The following DCLRE1C variants were observed in gnomAD, a reference collection of about 807,000 sequenced individuals.
DCLRE1C encodes DNA cross-link repair 1C, also known as protein artemis.
DCLRE1C carries 47 observed loss-of-function variants against 61.4 expected under a neutral mutation model. The observed-to-expected ratio is 0.77, with a 90% CI of 0.61 to 0.98. The LOEUF (loss-of-function observed/expected upper bound fraction) is 0.98, where lower values mean the gene tolerates loss of function less well. Ranked by LOEUF, DCLRE1C falls within the 50% of genes least tolerant of loss-of-function variation. The pLI is 0.00. For missense variants in DCLRE1C, 858 were observed against 816.0 expected, an observed-to-expected ratio of 1.05 and a Z score of -0.63; for synonymous variants, 337 against 287.6, an observed-to-expected ratio of 1.17 and a Z score of -1.74.
At chr10:14,947,922 G>T (rs904767981) in intron 2 of DCLRE1C, among the ~76,000 whole-genome samples, 3 of 152,148 alleles carry the variant, frequency 2.0e-5, no homozygotes, top group African/African-American at 7.2e-5. Context: ...AGCTGGGCGT[G>T]GTGGTGGGTG....
At chr10:14,912,619 C>G (rs1835446375) in intron 13 of DCLRE1C, among the ~76,000 whole-genome samples, 1 of 152,136 alleles carries the variant, frequency 6.6e-6, no homozygotes, top group Non-Finnish European at 1.5e-5. Context: ...TGATATATGC[C>G]ACAGTATAGA....
Position 14,908,545 on chromosome 10 carries a change from A to T in DCLRE1C, c.1942T>A (p.Ser648Thr), listed in dbSNP as rs766847324. ...NLSTNADSQSSSDFEVPSTPE... is the reference protein window; with the variant it reads ...NLSTNADSQSTSDFEVPSTPE... ...GTTGAGGGAACTTCAAAATCAGAAG[A>T]GCTCTGGGAATCTGCATTTGTGCTA... Residue 648 changes from serine to threonine, a missense_variant, in exon 14 of 14, where the codon TCT becomes ACT. Around this residue, in one of 2 missense-constraint regions of DCLRE1C, gnomAD observed 843 missense variants for 783.5 expected, o/e 1.08. Coordinates refer to ENST00000378278, the MANE Select transcript of DCLRE1C (RefSeq NM_001033855.3). 6.2e-7 allele frequency: 1 copy of T among 1,614,146 alleles called. No individual in the cohort carries two copies. The highest frequency in any genetic ancestry group is 2.2e-5 in the East Asian group (1 of 44,872).
intron 12 of DCLRE1C, among the ~76,000 whole-genome samples, chr10:14,922,734 A>G (rs764957144): frequency 2.0e-5 from 3 of 152,172 alleles, no homozygotes; most frequent in Non-Finnish European, 4.4e-5. Flanking sequence ...CCAAGCTCAC[A>G]CTGCACTGTT....
intron 8 of DCLRE1C, among the ~76,000 whole-genome samples, chr10:14,933,640 A>G (rs1035024769): frequency 6.6e-6 from 1 of 152,128 alleles, no homozygotes; most frequent in Non-Finnish European, 1.5e-5. Flanking sequence ...GTCTCAAAAA[A>G]GAAAAAAAAA....
downstream of DCLRE1C, chr10:14,903,647 G>T (rs1834166152): frequency 6.6e-6 from 1 of 152,188 alleles, no homozygotes; most frequent in Non-Finnish European, 1.5e-5. Flanking sequence ...GACTAAAATA[G>T]AATATATTAG....
intron 12 of DCLRE1C, among the ~76,000 whole-genome samples, chr10:14,921,193 G>T (rs1205035731): frequency 6.6e-6 from 1 of 151,714 alleles, no homozygotes; most frequent in Non-Finnish European, 1.5e-5. Flanking sequence ...GGTCGCGGGC[G>T]CCTGTAGTCC....
chr10:14,899,246 G>A (rs1833822502), exon 14 of DCLRE1C: 1 of 702,010 alleles, frequency 1.4e-6, no homozygotes. Flanking sequence ...CTTGATCCCA[G>A]GAGTTAAAGG....
At chr10:14,951,960 A>G (rs1051194151) in intron 1 of DCLRE1C, among the ~76,000 whole-genome samples, 4 of 152,188 alleles carry the variant, frequency 2.6e-5, no homozygotes, top group African/African-American at 9.7e-5. Flanking sequence ...GAAACCTCCA[A>G]AAGCAGAAGT....
rs7076558 is a variant in DCLRE1C, at chr10:14,934,283, G to A, written c.678+97C>T. On this transcript the variant is annotated intron_variant, in intron 8 of 13. Transcript: ENST00000378278. ...GTGGAGGCTGCAGTGAGCCGAGGTC[G>A]CGTCACTACACTCCAGCCTGGGCAA... 5.6e-3 allele frequency: 8,537 copies of A among 1,532,432 alleles called. 252 individuals are homozygous for A. The African/African-American group carries it at 0.086, about 15-fold the overall frequency. The allele number at this position is 1,532,432 out of a possible 1,614,324, so 94.9% of individuals were successfully genotyped here. A position where few individuals can be genotyped will look rare whatever the true frequency, so the allele number is the denominator to read the frequency against.
intron 4 of DCLRE1C, among the ~76,000 whole-genome samples, chr10:14,937,761 GGCA>G (rs1308915884): frequency 6.6e-6 from 1 of 152,006 alleles, no homozygotes; most frequent in African/African-American, 2.4e-5. Flanking sequence ...CATGGTGGTG[GGCA>G]GCACCTGTAA....
In DCLRE1C at chr10:14,908,799, T is replaced by C; in HGVS notation, c.1688A>G (p.Gln563Arg). ...AGTAATATCCCCACTGTTTCTCTCT[T>C]GGGAAGATAACAAAACAGTATCAGA... ...SQSDTVLLSS[Q>R]ERNSGDITSL... The change falls in exon 14 of 14, where the codon CAA (glutamine) becomes CGA (arginine). Residue 563 changes from glutamine to arginine, a missense_variant. Physicochemically the swap from Gln to Arg is conservative, Grantham distance 43. This residue lies in a region of DCLRE1C where 843 missense variants were observed against 783.5 expected (regional missense o/e 1.08). Transcript: ENST00000378278. 2 of 1,614,234 alleles carry C rather than the reference T, an allele frequency of 1.2e-6. No individual in the cohort carries two copies. Among genetic ancestry groups the C allele is most frequent in the Non-Finnish European group, 1.7e-6 (2 of 1,180,044 alleles).
At chr10:14,912,244 C>A (rs1835377306) in intron 13 of DCLRE1C, among the ~76,000 whole-genome samples, 1 of 152,056 alleles carries the variant, frequency 6.6e-6, no homozygotes, top group African/African-American at 2.4e-5. Context: ...TAAGCAGAGA[C>A]AAGTTTTCAC....
chr10:14,928,513 G>A (rs1838410095), intron 9 of DCLRE1C, among the ~76,000 whole-genome samples: 1 of 152,180 alleles, frequency 6.6e-6, no homozygotes, highest in South Asian at 2.1e-4. Flanking sequence ...GACACTATGG[G>A]AAGAACTGGG....
chr10:14,912,336 G>T (rs997346670), intron 13 of DCLRE1C, among the ~76,000 whole-genome samples: 1 of 152,162 alleles, frequency 6.6e-6, no homozygotes, highest in Admixed American at 6.5e-5. Flanking sequence ...GATTATAGGC[G>T]TGAGCCACTA....
At position 14,908,491 on chromosome 10, in the gene DCLRE1C, GCT is replaced by G; in HGVS notation, c.1994_1995del (p.Glu665AlafsTer7). 6.2e-7 allele frequency: 1 copy of G among 1,613,896 alleles called. No individual in the cohort carries two copies. Among genetic ancestry groups the G allele is most frequent in the East Asian group, 2.2e-5 (1 of 44,864 alleles). On this transcript the variant is annotated frameshift_variant, in exon 14 of 14. Transcript: ENST00000378278. LOFTEE classifies it high-confidence loss of function. Reference sequence around the variant, plus strand: ...AGCTTCTCATATAAATATTGTAAATGCTCTCGTTTAGGTAACTCAGCTTCTGG... The same window carrying G: ...AGCTTCTCATATAAATATTGTAAATGCTCGTTTAGGTAACTCAGCTTCTGG... ...STPEAELPKR[E>X]HLQYLYEKLA...
chr10:14,947,243 A>C (rs1182990670), intron 2 of DCLRE1C, among the ~76,000 whole-genome samples: 2 of 148,958 alleles, frequency 1.3e-5, no homozygotes, highest in South Asian at 2.2e-4. Context: ...AACAAACAAA[A>C]AAACATGCCA....
At chr10:14,912,253 A>G (rs1312966700) in intron 13 of DCLRE1C, among the ~76,000 whole-genome samples, 2 of 152,162 alleles carry the variant, frequency 1.3e-5, no homozygotes, top group African/African-American at 2.4e-5. Context: ...ACAAGTTTTC[A>G]CCATGTTGGC....
intron 4 of DCLRE1C, among the ~76,000 whole-genome samples, chr10:14,938,222 G>A (rs140367799): frequency 0.014 from 2,093 of 152,268 alleles, 21 homozygotes; most frequent in Non-Finnish European, 0.022. Context: ...GCCTGCTGTC[G>A]GCCCCCAGTT....
chr10:14,950,586 C>T (rs374933089), intron 1 of DCLRE1C, among the ~76,000 whole-genome samples: 5 of 152,154 alleles, frequency 3.3e-5, no homozygotes, highest in African/African-American at 9.7e-5. Context: ...GGTAAATTCC[C>T]TCAAGGGATA....
Sources: allele counts gnomAD v4.1 joint callset (sites outside exome capture counted in the v4.1 genomes callset), GRCh38; gene constraint gnomAD v4.1.1; regional missense constraint gnomAD v4.1.1; transcripts MANE v1.5; gene names NCBI Gene and HGNC (gene_info 2026-07-23, HGNC 2026-07-21).